The following POTEJ variants were observed in gnomAD, a reference collection of about 807,000 sequenced individuals.
POTEJ encodes POTE ankyrin domain family, member J.
Under a neutral mutation model 69.0 loss-of-function variants are expected in POTEJ, and 11 were observed. The observed-to-expected ratio is 0.16, with a 90% CI of 0.10 to 0.26. The LOEUF (loss-of-function observed/expected upper bound fraction) is 0.26, where lower values mean the gene tolerates loss of function less well. Among genes scored for constraint, POTEJ ranks in the 10% least tolerant of loss-of-function variants. POTEJ has a pLI of 1.00. For missense variants in POTEJ, 327 were observed against 1,045.5 expected (o/e 0.31, Z 9.48); for synonymous variants, 117 against 381.1 (o/e 0.31, Z 8.07).
intron 6 of POTEJ, among the ~76,000 whole-genome samples, chr2:130,626,103 A>G (rs1306957693): frequency 2.0e-5 from 3 of 149,902 alleles, no homozygotes; most frequent in Non-Finnish European, 4.4e-5. Context: ...TGTCTTTTAA[A>G]CAGGGAGAAA....
intron 14 of POTEJ, among the ~76,000 whole-genome samples, chr2:130,656,225 AG>A: frequency 6.9e-6 from 1 of 144,404 alleles, no homozygotes; most frequent in South Asian, 2.1e-4. Context: ...TTTGTAACTC[AG>A]AAAAAGGCTT....
In POTEJ at chr2:130,657,475, G is replaced by A; in HGVS notation, c.2715G>A (p.Leu905=). Reference sequence around the variant, plus strand: ...CCTCCCTAGAGAAGAGCTACGAGCTGCCCGATGGCCAGGTCATCACCATCA... The same window carrying A: ...CCTCCCTAGAGAAGAGCTACGAGCTACCCGATGGCCAGGTCATCACCATCA... ...SSSSLEKSYE[L]PDGQVITISN... The change falls in exon 15 of 15, where the codon CTG becomes CTA. Residue 905 remains leucine (L), a synonymous_variant. Transcript: ENST00000409602. 2 of 1,576,266 alleles carry A rather than the reference G, an allele frequency of 1.3e-6. No individual in the cohort carries two copies. Among genetic ancestry groups the A allele is most frequent in the Non-Finnish European group, 1.7e-6 (2 of 1,152,922 alleles).
chr2:130,640,951 G>C (rs568299743), intron 10 of POTEJ, among the ~76,000 whole-genome samples: 23 of 152,134 alleles, frequency 1.5e-4, no homozygotes, highest in African/African-American at 4.8e-4. Context: ...GATTAAATTT[G>C]AGTATTAAGG....
At chr2:130,641,081 T>C (rs1426277893) in intron 10 of POTEJ, among the ~76,000 whole-genome samples, 1 of 152,100 alleles carries the variant, frequency 6.6e-6, no homozygotes, top group African/African-American at 2.4e-5. Flanking sequence ...TCTGCTGTTG[T>C]AGTGTGAAAG....
chr2:130,613,596 T>C (rs1685322811), intron 1 of POTEJ, among the ~76,000 whole-genome samples: 2 of 136,798 alleles, frequency 1.5e-5, no homozygotes, highest in African/African-American at 6.1e-5. Flanking sequence ...AGAGATGGGG[T>C]TTCACCATCT....
At chr2:130,655,287 T>C (rs1241170154) in intron 14 of POTEJ, among the ~76,000 whole-genome samples, 3 of 152,150 alleles carry the variant, frequency 2.0e-5, no homozygotes, top group African/African-American at 7.3e-5. Context: ...TTTGATGTTT[T>C]TCATAAGAAT....
At chr2:130,639,515 A>C (rs1431316815) in intron 10 of POTEJ, among the ~76,000 whole-genome samples, 232 of 152,272 alleles carry the variant, frequency 1.5e-3, no homozygotes, top group Non-Finnish European at 2.9e-3. Flanking sequence ...GATTGTCATA[A>C]TGTACAATTT....
chr2:130,656,445 G>T (rs1283922539), intron 14 of POTEJ, 104 bp from the exon 15 acceptor site: 4 of 1,438,094 alleles, frequency 2.8e-6, no homozygotes, highest in Non-Finnish European at 2.8e-6. Context: ...ATCCACTATG[G>T]GGATTCTTTC....
chr2:130,625,135 A>T (rs1308334981), intron 6 of POTEJ, among the ~76,000 whole-genome samples: 1 of 152,192 alleles, frequency 6.6e-6, no homozygotes, highest in African/African-American at 2.4e-5. Flanking sequence ...GAGCTTTTGT[A>T]AGTTAGGTTT....
chr2:130,638,095 T>C (rs951749858), intron 9 of POTEJ, among the ~76,000 whole-genome samples: 2 of 149,360 alleles, frequency 1.3e-5, no homozygotes, highest in African/African-American at 4.9e-5. Context: ...TTAGAACCTA[T>C]GAACAAAATT....
intron 14 of POTEJ, among the ~76,000 whole-genome samples, chr2:130,656,212 T>A (rs1318362235): frequency 6.9e-6 from 1 of 144,022 alleles, no homozygotes; most frequent in Admixed American, 6.8e-5. Context: ...TGCCTCTGGG[T>A]TTTTTGTAAC....
intron 14 of POTEJ, among the ~76,000 whole-genome samples, chr2:130,656,319 A>G (rs936257097): frequency 1.4e-5 from 2 of 146,054 alleles, no homozygotes; most frequent in African/African-American, 2.6e-5. Context: ...TTAGGAATTT[A>G]GGAGCAGATT....
At chr2:130,625,160 G>C (rs1279261855) in intron 6 of POTEJ, among the ~76,000 whole-genome samples, 4 of 152,174 alleles carry the variant, frequency 2.6e-5, no homozygotes, top group African/African-American at 9.7e-5. Flanking sequence ...AGTTGCAGGA[G>C]ACAAAGATGG....
At chr2:130,640,609 C>T (rs1376731335) in intron 10 of POTEJ, among the ~76,000 whole-genome samples, 3 of 151,962 alleles carry the variant, frequency 2.0e-5, no homozygotes, top group East Asian at 3.9e-4. Flanking sequence ...ACATCTTGTT[C>T]TCACAACACA....
chr2:130,613,221 C>T (rs181693046), intron 1 of POTEJ, among the ~76,000 whole-genome samples: 55 of 143,868 alleles, frequency 3.8e-4, no homozygotes, highest in Non-Finnish European at 4.5e-4. Context: ...TATTTATATA[C>T]GCAGATATAT....
rs532503389 is a variant in POTEJ at position 130,627,410 on chromosome 2, G to A, written c.1016-2539G>A. 2.4e-4 allele frequency among the ~76,000 whole-genome samples: 33 copies of A among 140,308 alleles called. 3 individuals are homozygous for A. Among genetic ancestry groups the A allele is most frequent in the African/African-American group, 7.4e-4 (25 of 33,886 alleles). 92.0% of individuals were successfully genotyped at this position (140,308 alleles called of 152,430 possible). A position where few individuals can be genotyped will look rare whatever the true frequency, so the allele number is the denominator to read the frequency against. On this transcript the variant is annotated intron_variant, in intron 6 of 14. Coordinates refer to ENST00000409602, the MANE Select transcript of POTEJ (RefSeq NM_001277083.2). The stretch of plus-strand genomic sequence containing the variant: ...ACTTAATGGATAAAGATGAATATTG[G>A]AGTTGTTCCTTTTAGGGAATGATAC...
At chr2:130,655,222 G>T (rs1381487105) in intron 14 of POTEJ, among the ~76,000 whole-genome samples, 181 bp downstream of exon 14, 1 of 151,790 alleles carries the variant, frequency 6.6e-6, no homozygotes, top group Non-Finnish European at 1.5e-5. Context: ...ACCTTCATTT[G>T]CCTGCAACAG....
chr2:130,627,649 C>T (rs1221835044), intron 6 of POTEJ, among the ~76,000 whole-genome samples: 1 of 119,680 alleles, frequency 8.4e-6, no homozygotes, highest in Non-Finnish European at 1.7e-5. Context: ...TTTTTGTGTT[C>T]TTCCTTTAAA....
intron 1 of POTEJ, among the ~76,000 whole-genome samples, chr2:130,615,698 C>A (rs1423002551): frequency 6.7e-6 from 1 of 148,548 alleles, no homozygotes; most frequent in Non-Finnish European, 1.5e-5. Flanking sequence ...GTACAACCAA[C>A]CCCCTTGGTG....
Sources: gnomAD v4.1 joint callset for allele counts (sites outside exome capture counted in the v4.1 genomes callset) on GRCh38, gnomAD v4.1.1 for gene constraint, MANE v1.5 for transcripts, NCBI Gene and HGNC (gene_info 2026-07-23, HGNC 2026-07-21) for gene names.